CSMD1: variants seen among roughly 807,000 people sequenced by gnomAD.
CSMD1 encodes the protein CUB and sushi domain-containing protein 1.
In CSMD1, 213 loss-of-function variants were observed where a neutral mutation model predicts 417.5. That is an observed-to-expected ratio of 0.51 (90% CI 0.46 to 0.57). The LOEUF (loss-of-function observed/expected upper bound fraction) is 0.57, where lower values mean the gene tolerates loss of function less well. CSMD1 is among the 20% of genes least tolerant of loss of function. The pLI, the probability that CSMD1 is intolerant of heterozygous loss-of-function variation, is 0.00. For synonymous variants in CSMD1, 2,862 were observed against 1,736.8 expected (o/e 1.65, Z -16.11); for missense variants, 6,923 against 4,529.7 (o/e 1.53, Z -15.17).
In CSMD1 at chr8:4,484,829, C is replaced by T. The variant is rs568870753; in HGVS notation, c.303-64764G>A. Among the ~76,000 whole-genome samples the T allele has an allele frequency of 2.3e-3, 354 of 151,602 alleles. 1 individual carries two copies. The highest frequency in any genetic ancestry group is 7.8e-3 in the African/African-American group (322 of 41,366). On this transcript the variant is annotated intron_variant, in intron 2 of 69. Coordinates refer to ENST00000635120, the MANE Select transcript of CSMD1 (RefSeq NM_033225.6). ...CTAAAAAATACAAAAAAAAATTAGC[C>T]GGGCATGGTGGCAGGCGCCTGTAGT...
At chr8:4,191,342 G>A (rs1036130247) in intron 3 of CSMD1, among the ~76,000 whole-genome samples, 10 of 152,134 alleles carry the variant, frequency 6.6e-5, no homozygotes, top group African/African-American at 2.2e-4. Context: ...CCTGCAGTGA[G>A]CAGAGATCGC....
At chr8:3,062,343 A>G (rs1812643410) in intron 49 of CSMD1, among the ~76,000 whole-genome samples, 2 of 152,160 alleles carry the variant, frequency 1.3e-5, no homozygotes, top group Admixed American at 1.3e-4. Context: ...ACCCACGGGG[A>G]TAGAACTGGT....
intron 3 of CSMD1, among the ~76,000 whole-genome samples, chr8:4,342,257 A>G (rs933750197): frequency 2.3e-5 from 3 of 130,360 alleles, no homozygotes; most frequent in African/African-American, 2.7e-5. Flanking sequence ...GTGTCTCTGT[A>G]TGTGTGTGTG....
intron 1 of CSMD1, among the ~76,000 whole-genome samples, chr8:4,789,346 TATG>T (rs1367491570): frequency 2.0e-5 from 3 of 152,186 alleles, no homozygotes; most frequent in African/African-American, 7.2e-5. Flanking sequence ...GACAATAAAG[TATG>T]AATTTCAGCT....
At chr8:4,477,935 G>C (rs1481561169) in intron 2 of CSMD1, among the ~76,000 whole-genome samples, 1 of 152,212 alleles carries the variant, frequency 6.6e-6, no homozygotes, top group Admixed American at 6.5e-5. Context: ...CCTGGCGCAT[G>C]ATAGCTATGC....
At chr8:3,641,156 C>G (rs1370149070) in intron 7 of CSMD1, among the ~76,000 whole-genome samples, 1 of 149,118 alleles carries the variant, frequency 6.7e-6, no homozygotes, top group Non-Finnish European at 1.5e-5. Flanking sequence ...TTCTCTGAAT[C>G]TGCACATGTA....
chr8:3,386,670 T>A (rs1366037578), intron 18 of CSMD1, among the ~76,000 whole-genome samples: 1 of 152,190 alleles, frequency 6.6e-6, no homozygotes, highest in African/African-American at 2.4e-5. Context: ...AAATGAAATA[T>A]TTTTGCTTTT....
At chr8:3,987,381 T>C (rs889058540) in intron 5 of CSMD1, among the ~76,000 whole-genome samples, 2 of 152,222 alleles carry the variant, frequency 1.3e-5, no homozygotes, top group Admixed American at 6.5e-5. Context: ...TTATCACATA[T>C]GCCATGATAA....
intron 3 of CSMD1, among the ~76,000 whole-genome samples, chr8:4,236,785 T>C (rs1161463186): frequency 6.6e-6 from 1 of 152,208 alleles, no homozygotes; most frequent in African/African-American, 2.4e-5. Flanking sequence ...GGTGGGCAAT[T>C]ACTAAATAGT....
At chr8:3,738,976 T>A (rs113578754) in intron 6 of CSMD1, among the ~76,000 whole-genome samples, 1 of 152,228 alleles carries the variant, frequency 6.6e-6, no homozygotes, top group African/African-American at 2.4e-5. Context: ...GTTCAAACTT[T>A]AGACATGATC....
In CSMD1 at chr8:4,144,876, G is replaced by A. The variant is rs539562093; in HGVS notation, c.416-112777C>T. 1.6e-3 allele frequency among the ~76,000 whole-genome samples: 242 copies of A among 151,032 alleles called. 22 individuals carry two copies. The highest frequency in any genetic ancestry group is 5.6e-3 in the African/African-American group (227 of 40,408). ...GGGAATTGTGTCCCTGGGAGAAGCTGAAATAGAACTAAAAAATAGGCTTTC... is the reference window on the plus strand; with the variant it reads ...GGGAATTGTGTCCCTGGGAGAAGCTAAAATAGAACTAAAAAATAGGCTTTC... On this transcript the variant is annotated intron_variant, in intron 3 of 69. Coordinates refer to ENST00000635120, the MANE Select transcript of CSMD1 (RefSeq NM_033225.6).
At chr8:3,883,333 G>C (rs1563175052) in intron 5 of CSMD1, among the ~76,000 whole-genome samples, 1 of 151,954 alleles carries the variant, frequency 6.6e-6, no homozygotes, top group South Asian at 2.1e-4. Flanking sequence ...ACAATGTCCT[G>C]GACACTAAAA....
chr8:4,938,903 A>T (rs1328863660), intron 1 of CSMD1, among the ~76,000 whole-genome samples: 1 of 151,980 alleles, frequency 6.6e-6, no homozygotes, highest in Non-Finnish European at 1.5e-5. Context: ...CTGACGTTGA[A>T]CCTCTTTTCA....
At chr8:3,790,380 G>T (rs896525685) in intron 5 of CSMD1, among the ~76,000 whole-genome samples, 1 of 152,120 alleles carries the variant, frequency 6.6e-6, no homozygotes, top group African/African-American at 2.4e-5. Context: ...TGATGGTTAT[G>T]ATGATGGTGA....
chr8:3,307,795 C>T lies in CSMD1; in HGVS notation c.3850G>A (p.Ala1284Thr). The T allele has an allele frequency of 1.9e-6, 3 of 1,613,544 alleles. No individual in the cohort carries two copies. Among genetic ancestry groups the T allele is most frequent in the Non-Finnish European group, 2.5e-6 (3 of 1,179,602 alleles). ...GGGGACAATATTCGTCCTGATGTGG[C>T]TGCATGGATCTGACCACCACATTCC... ...IAECGGQIHA[A>T]TSGRILSPGY... is the part of the protein sequence containing the mutation. The change falls in exon 25 of 70, where the codon GCC (alanine) becomes ACC (threonine). Residue 1284 changes from alanine (A) to threonine (T), a missense_variant. Transcript: ENST00000635120.
intron 1 of CSMD1, among the ~76,000 whole-genome samples, chr8:4,886,761 A>T (rs1221113287): frequency 6.6e-6 from 1 of 151,816 alleles, no homozygotes; most frequent in Non-Finnish European, 1.5e-5. Context: ...AAAAAAATTT[A>T]TTTTACCAGA....
intron 3 of CSMD1, among the ~76,000 whole-genome samples, chr8:4,288,231 G>C (rs1797168289): frequency 6.6e-6 from 1 of 152,156 alleles, no homozygotes; most frequent in Admixed American, 6.6e-5. Flanking sequence ...GGGCCTGGCA[G>C]TGCTGGGTGC....
chr8:4,415,327 C>T (rs111604721), intron 3 of CSMD1, among the ~76,000 whole-genome samples: 1 of 152,178 alleles, frequency 6.6e-6, no homozygotes, highest in Non-Finnish European at 1.5e-5. Flanking sequence ...TTTCTCTATG[C>T]TTCTGCAGGG....
rs191286372 is a variant in CSMD1 at position 4,914,699 on chromosome 8, G to A, written c.85+79633C>T. Among the ~76,000 whole-genome samples, 835 of 152,216 alleles carry A rather than the reference G, an allele frequency of 5.5e-3. 5 individuals carry two copies. Among genetic ancestry groups the A allele is most frequent in the African/African-American group, 0.019 (792 of 41,532 alleles). ...AATCCGTGAAAATGAACTCGGAAAA[G>A]GAAATTAGTAATAAACATGAGACGT... On this transcript the variant is annotated intron_variant, in intron 1 of 69. Transcript: ENST00000635120.
Sources: gnomAD v4.1 joint callset for allele counts (sites outside exome capture counted in the v4.1 genomes callset) on GRCh38, gnomAD v4.1.1 for gene constraint, MANE v1.5 for transcripts, NCBI Gene and HGNC (gene_info 2026-07-23, HGNC 2026-07-21) for gene names.